The following CALN1 variants were observed in gnomAD, a reference collection of about 807,000 sequenced individuals.
CALN1 encodes the protein calcium-binding protein 8.
CALN1 carries 17 observed loss-of-function variants against 30.6 expected under a neutral mutation model. That is an observed-to-expected ratio of 0.56 (90% CI 0.38 to 0.83). The LOEUF is 0.83. Ranked by LOEUF, CALN1 falls within the 40% of genes least tolerant of loss-of-function variation. CALN1 has a pLI of 0.00. For synonymous variants in CALN1, 156 were observed against 131.4 expected, an observed-to-expected ratio of 1.19 and a Z score of -1.28; for missense variants, 291 against 354.9, an observed-to-expected ratio of 0.82 and a Z score of 1.45.
At chr7:72,228,741 ATT>A (rs1367567631) in intron 3 of CALN1, among the ~76,000 whole-genome samples, 456 of 14,406 alleles carry the variant, frequency 0.032, 3 homozygotes, top group East Asian at 0.25. Context: ...TTATTTATAT[ATT>A]TATTTATTTA....
chr7:72,491,935 T>C, the CALN1 span, among the ~76,000 whole-genome samples: 8 of 152,194 alleles, frequency 5.3e-5, no homozygotes. Context: ...AAATATTACA[T>C]AACAGATAGA....
chr7:72,051,907 T>A (rs1293137339), intron 4 of CALN1, among the ~76,000 whole-genome samples: 2 of 151,986 alleles, frequency 1.3e-5, no homozygotes, highest in Non-Finnish European at 2.9e-5. Flanking sequence ...AAAGTAAGAG[T>A]GATCTATCTC....
At chr7:72,046,980 C>T (rs1044900795) in intron 4 of CALN1, among the ~76,000 whole-genome samples, 2 of 152,030 alleles carry the variant, frequency 1.3e-5, no homozygotes, top group African/African-American at 4.8e-5. Context: ...GGCAAAATCA[C>T]CTGAGCCCAG....
intron 2 of CALN1, among the ~76,000 whole-genome samples, chr7:72,361,209 C>T (rs1483074292): frequency 6.6e-6 from 1 of 152,102 alleles, no homozygotes; most frequent in Non-Finnish European, 1.5e-5. Context: ...ACTCTCCAGC[C>T]CCACGCCTGG....
intron 3 of CALN1, among the ~76,000 whole-genome samples, chr7:72,124,308 C>A (rs1398154230): frequency 6.6e-6 from 1 of 152,116 alleles, no homozygotes; most frequent in African/African-American, 2.4e-5. Flanking sequence ...AATTAAGTTA[C>A]AACTGTGCAT....
intron 2 of CALN1, among the ~76,000 whole-genome samples, chr7:72,344,926 ATATT>A (rs1373927858): frequency 7.5e-5 from 11 of 147,598 alleles, no homozygotes; most frequent in Admixed American, 5.4e-4. Flanking sequence ...ATGTGAACAT[ATATT>A]TATTCATATA....
chr7:72,417,431 T>C (rs902470616), intron 1 of CALN1, among the ~76,000 whole-genome samples: 2 of 152,178 alleles, frequency 1.3e-5, no homozygotes, highest in Non-Finnish European at 2.9e-5. Context: ...AATGAGAACC[T>C]AAACCAAAGG....
intron 3 of CALN1, among the ~76,000 whole-genome samples, chr7:72,131,827 T>C (rs911567723): frequency 2.6e-5 from 4 of 152,150 alleles, no homozygotes; most frequent in African/African-American, 7.2e-5. Context: ...CCACTCTCTT[T>C]CCAAAACCCT....
chr7:72,215,852 G>A (rs1317188376), intron 3 of CALN1, among the ~76,000 whole-genome samples: 3 of 152,106 alleles, frequency 2.0e-5, no homozygotes, highest in Non-Finnish European at 4.4e-5. Context: ...CAGTGACTGG[G>A]CTGGCCATGG....
intron 5 of CALN1, among the ~76,000 whole-genome samples, chr7:71,932,580 G>A (rs182339829): frequency 3.9e-4 from 59 of 152,122 alleles, no homozygotes; most frequent in Non-Finnish European, 6.2e-4. Flanking sequence ...TTCGGAGGCC[G>A]AGGCGGGCGG....
chr7:72,339,042 G>C (rs1157762758), intron 2 of CALN1, among the ~76,000 whole-genome samples: 1 of 129,832 alleles, frequency 7.7e-6, no homozygotes, highest in Non-Finnish European at 1.6e-5. Flanking sequence ...TTGATTTTTA[G>C]ATCCCATAAA....
At chr7:72,344,020 T>A (rs1205654295) in intron 2 of CALN1, among the ~76,000 whole-genome samples, 2 of 147,134 alleles carry the variant, frequency 1.4e-5, no homozygotes, top group African/African-American at 5.3e-5. Context: ...GAAAGGTCTA[T>A]TTTTTTTTAT....
At chr7:72,251,386 C>T (rs374221653) in intron 3 of CALN1, among the ~76,000 whole-genome samples, 1 of 152,072 alleles carries the variant, frequency 6.6e-6, no homozygotes, top group African/African-American at 2.4e-5. Context: ...TTTCTCTTTC[C>T]TCTGAACTAC....
chr7:72,159,006 C>G (rs1282263022), intron 3 of CALN1, among the ~76,000 whole-genome samples: 3 of 152,038 alleles, frequency 2.0e-5, no homozygotes, highest in Non-Finnish European at 4.4e-5. Flanking sequence ...GCATAAGCCA[C>G]TATGCCTGGC....
intron 3 of CALN1, among the ~76,000 whole-genome samples, chr7:72,130,639 A>G (rs1386279136): frequency 1.1e-4 from 16 of 152,156 alleles, no homozygotes; most frequent in Non-Finnish European, 1.5e-5. Flanking sequence ...GCCTCTGCAG[A>G]GGGAAACCAG....
rs145193443 is a variant in CALN1, at chr7:71,956,523, C to A, written c.501+67134G>T. Among the ~76,000 whole-genome samples the A allele has an allele frequency of 8.2e-3, 1,181 of 143,742 alleles. 18 individuals carry two copies. Among genetic ancestry groups the A allele is most frequent in the African/African-American group, 0.029 (1,111 of 38,514 alleles). 94.3% of individuals were successfully genotyped at this position (143,742 alleles called of 152,430 possible). On this transcript the variant is annotated intron_variant, in intron 5 of 6. Transcript: ENST00000395275. Reference sequence around the variant, plus strand: ...TTTTTTTTAAACAGAGGGAGGGTGTCGTTATGTTGCCCAGGCTGATCTCAA... The same window carrying A: ...TTTTTTTTAAACAGAGGGAGGGTGTAGTTATGTTGCCCAGGCTGATCTCAA...
chr7:72,186,588 T>C (rs2129546484), intron 3 of CALN1, among the ~76,000 whole-genome samples: 1 of 152,268 alleles, frequency 6.6e-6, no homozygotes, highest in Non-Finnish European at 1.5e-5. Context: ...TTCCCCACTC[T>C]GGTAGTCTCC....
At chr7:72,218,079 T>TG (rs1192237994) in intron 3 of CALN1, among the ~76,000 whole-genome samples, 2 of 151,334 alleles carry the variant, frequency 1.3e-5, no homozygotes, top group African/African-American at 4.8e-5. Context: ...CCTGACCTCG[T>TG]GATCCGCCCT....
intron 5 of CALN1, among the ~76,000 whole-genome samples, chr7:71,859,788 A>T (rs939190862): frequency 4.6e-5 from 7 of 152,192 alleles, no homozygotes; most frequent in Non-Finnish European, 1.0e-4. Flanking sequence ...ACGGTGTCAG[A>T]GGCGTGGGTA....
Sources: gnomAD v4.1 joint callset for allele counts (sites outside exome capture counted in the v4.1 genomes callset) on GRCh38, gnomAD v4.1.1 for gene constraint, MANE v1.5 for transcripts, NCBI Gene and HGNC (gene_info 2026-07-23, HGNC 2026-07-21) for gene names.